Variants in SIRT3 observed in about 807,000 individuals in gnomAD.
SIRT3 encodes the protein NAD-dependent protein deacetylase sirtuin-3, mitochondrial.
SIRT3 carries 26 observed loss-of-function variants against 33.5 expected under a neutral mutation model. The ratio of observed to expected loss-of-function variants is 0.78; its 90% CI spans 0.57 to 1.08. The LOEUF is 1.08. Ranked by LOEUF, SIRT3 falls within the 50% of genes least tolerant of loss-of-function variation. The probability of loss-of-function intolerance (pLI) is 0.00; values close to 1 mark genes in which losing one functional copy is unlikely to be tolerated. For missense variants in SIRT3, 585 were observed against 530.1 expected, an observed-to-expected ratio of 1.10 and a Z score of -1.02; for synonymous variants, 237 against 222.1, an observed-to-expected ratio of 1.07 and a Z score of -0.60.
In SIRT3 at chr11:219,044, G is replaced by A; in HGVS notation, c.970-3C>T. The A allele has an allele frequency of 6.2e-7, 1 of 1,609,760 alleles. No individual in the cohort carries two copies. ...GTCAAGCTGGCAAAAGGCTCCACCT[G>A]AAAAATGGGCCAAACGTGAGGGGCA... On this transcript the variant is annotated splice_polypyrimidine_tract_variant and splice_region_variant and intron_variant, in intron 5 of 6. Transcript: ENST00000382743.
rs148513030 is a variant in SIRT3, at chr11:234,937, G to A, written c.281+1111C>T. Among the ~76,000 whole-genome samples, 292 of 151,462 alleles carry A rather than the reference G, an allele frequency of 1.9e-3. 1 individual carries two copies. The highest frequency in any genetic ancestry group is 6.4e-3 in the African/African-American group (265 of 41,254). ...CTTTCGCCCGGGCTGGAGTGCAATG[G>A]TGCCATCTCGGCTCACTGCAACCTC... On this transcript the variant is annotated intron_variant, in intron 1 of 6. Coordinates refer to ENST00000382743, the MANE Select transcript of SIRT3 (RefSeq NM_012239.6).
At chr11:225,344 G>A (rs982187408) in intron 4 of SIRT3, among the ~76,000 whole-genome samples, 22 of 152,186 alleles carry the variant, frequency 1.4e-4, no homozygotes, top group African/African-American at 4.6e-4. Context: ...CCTGGGAGGC[G>A]GAGGTTGCTG....
intron 1 of SIRT3, among the ~76,000 whole-genome samples, chr11:235,571 A>C (rs749855658): frequency 2.6e-5 from 4 of 152,216 alleles, no homozygotes; most frequent in Non-Finnish European, 5.9e-5. Context: ...ATTTACTTAA[A>C]TATTCATCCA....
chr11:236,372 G>A (rs985353679), upstream of SIRT3: 5 of 1,108,228 alleles, frequency 4.5e-6, no homozygotes, highest in Non-Finnish European at 5.4e-6. Flanking sequence ...CCCCGCCCCC[G>A]GCGCCCCGGC....
At chr11:231,109 A>G (rs1857922474) in intron 3 of SIRT3, among the ~76,000 whole-genome samples, 1 of 140,348 alleles carries the variant, frequency 7.1e-6, no homozygotes, top group Non-Finnish European at 1.5e-5. Context: ...TGGGTAAGAG[A>G]GCGAGATTCT....
intron 5 of SIRT3, among the ~76,000 whole-genome samples, chr11:222,062 A>T (rs929021816): frequency 6.6e-6 from 1 of 152,208 alleles, no homozygotes; most frequent in Non-Finnish European, 1.5e-5. Flanking sequence ...TTCAACAATA[A>T]AGATGGCTGG....
intron 3 of SIRT3, among the ~76,000 whole-genome samples, chr11:230,982 G>A (rs1732274285): frequency 1.3e-5 from 2 of 152,166 alleles, no homozygotes; most frequent in South Asian, 4.1e-4. Context: ...AAATTAGCCA[G>A]ATGTGGTGGC....
intron 5 of SIRT3, among the ~76,000 whole-genome samples, chr11:222,008 A>C (rs1164516982): frequency 6.6e-6 from 1 of 152,236 alleles, no homozygotes; most frequent in African/African-American, 2.4e-5. Context: ...TCAAAGACAC[A>C]CATGATACAC....
At position 218,830 on chromosome 11, in the gene SIRT3, A is replaced by G; in HGVS notation, c.1179+2T>C. 3.7e-6 allele frequency: 6 copies of G among 1,614,062 alleles called. No homozygotes were observed. The highest frequency in any genetic ancestry group is 5.1e-6 in the Non-Finnish European group (6 of 1,180,016). On this transcript the variant is annotated splice_donor_variant, in intron 6 of 6. Coordinates refer to ENST00000382743, the MANE Select transcript of SIRT3 (RefSeq NM_012239.6). LOFTEE classifies it high-confidence loss of function. ...TGGATGGTCCTCCTCAGCAGTCTGT[A>G]CCTTCCCAGTTTCCCGCTGCACAAG...
rs1352587034 is a variant in SIRT3, at chr11:236,300, G to A, written c.29C>T (p.Ala10Val). The A allele has an allele frequency of 3.9e-6, 6 of 1,523,388 alleles. No homozygotes were observed. The highest frequency in any genetic ancestry group is 5.3e-6 in the Non-Finnish European group (6 of 1,142,504). The allele number at this position is 1,523,388 out of a possible 1,614,324, so 94.4% of individuals were successfully genotyped here. A position where few individuals can be genotyped will look rare whatever the true frequency, so the allele number is the denominator to read the frequency against. The change falls in exon 1 of 7, where the codon GCA (alanine) becomes GTA (valine). Residue 10 changes from alanine (A) to valine (V), a missense_variant. By Grantham distance (64) the Ala-to-Val change is moderately conservative (BLOSUM62 0). Transcript: ENST00000382743. MAFWGWRAA[A>V]ALRLWGRVVE... is the part of the protein sequence containing the mutation. ...TACCCGGCCCCACAGCCGGAGGGCT[G>A]CCGCGGCGCGCCAACCCCAGAACGC...
chr11:227,804 G>A (rs746229073), intron 4 of SIRT3, among the ~76,000 whole-genome samples: 2 of 152,000 alleles, frequency 1.3e-5, no homozygotes, highest in Non-Finnish European at 2.9e-5. Flanking sequence ...TGTATTTTTA[G>A]TAGAGATGGG....
At chr11:227,603 T>C (rs2133889259) in intron 4 of SIRT3, among the ~76,000 whole-genome samples, 1 of 152,056 alleles carries the variant, frequency 6.6e-6, no homozygotes, top group Non-Finnish European at 1.5e-5. Flanking sequence ...GTTGCCCAAA[T>C]TATCTATTTT....
In SIRT3 at chr11:233,197, C is replaced by T. The variant is rs1239466094; in HGVS notation, c.492G>A (p.Leu164=). Residue 164 remains leucine, a synonymous_variant, in exon 3 of 7, where the codon CTG becomes CTA. Coordinates refer to ENST00000382743, the MANE Select transcript of SIRT3 (RefSeq NM_012239.6). ...IPDFRSPGSG[L]YSNLQQYDLP... ...GATCGTACTGCTGGAGGTTGCTGTA[C>T]AGGCCACTCCCCGGCGATCTGCAGG... is the stretch of plus-strand genomic sequence containing the variant. The T allele has an allele frequency of 4.3e-6, 7 of 1,613,668 alleles. No individual in the cohort carries two copies. In the South Asian group the frequency reaches 5.5e-5, roughly 13 times the overall value.
chr11:230,456 A>G lies in SIRT3; in HGVS notation c.803T>C (p.Ile268Thr). ...VCQRPFPGEDIRADVMADRVP... is the reference protein window; with the variant it reads ...VCQRPFPGEDTRADVMADRVP... ...ACCAACAGCAGGATAACTCACCCGA[A>G]TGTCCTCCCCTGGGAAGGGTCTTTG... Residue 268 changes from isoleucine to threonine, a missense_variant, in exon 4 of 7, where the codon ATT (isoleucine) becomes ACT (threonine). Coordinates refer to ENST00000382743, the MANE Select transcript of SIRT3 (RefSeq NM_012239.6). The G allele has an allele frequency of 6.9e-7, 1 of 1,454,312 alleles. No individual in the cohort carries two copies. The highest frequency in any genetic ancestry group is 9.1e-7 in the Non-Finnish European group (1 of 1,096,354). The allele number at this position is 1,454,312 out of a possible 1,614,324, so 90.1% of individuals were successfully genotyped here.
At chr11:227,883 A>G (rs1857390761) in intron 4 of SIRT3, among the ~76,000 whole-genome samples, 1 of 152,166 alleles carries the variant, frequency 6.6e-6, no homozygotes, top group East Asian at 1.9e-4. Context: ...AGGCCTCCCA[A>G]AGTGCTGGAA....
rs201386907 is a variant in SIRT3 at position 232,964 on chromosome 11, C to G, written c.706+19G>C. On this transcript the variant is annotated intron_variant, in intron 3 of 6. Coordinates refer to ENST00000382743, the MANE Select transcript of SIRT3 (RefSeq NM_012239.6). ...CTCCGTGGGAGAAAAAGAATGTGTG[C>G]GACTCACAGAGGGCTCACCTCTCTC... 1 of 1,607,524 alleles carries G rather than the reference C, an allele frequency of 6.2e-7. No homozygotes were observed. The highest frequency in any genetic ancestry group is 2.2e-5 in the East Asian group (1 of 44,856).
chr11:233,611 C>T, intron 1 of SIRT3, 77 bp from the exon 2 acceptor site: 2 of 1,408,122 alleles, frequency 1.4e-6, no homozygotes, highest in Non-Finnish European at 2.0e-6. Flanking sequence ...CATGGCTCTG[C>T]CCTCTGCACC....
rs756315025 is a variant in SIRT3, at chr11:233,009, G to A, written c.680C>T (p.Thr227Met). ...HDKGLLLRLY[T>M]QNIDGLERVS... ...TCTCTCAAGCCCATCGATGTTCTGCGTGTAGAGCCGCAGAAGCAGCCCCTT... is the reference window on the plus strand; with the variant it reads ...TCTCTCAAGCCCATCGATGTTCTGCATGTAGAGCCGCAGAAGCAGCCCCTT... Residue 227 changes from threonine to methionine, a missense_variant, in exon 3 of 7, where the codon ACG becomes ATG. Transcript: ENST00000382743. 5.6e-6 allele frequency: 9 copies of A among 1,614,046 alleles called. No individual in the cohort carries two copies. Among genetic ancestry groups the A allele is most frequent in the African/African-American group, 4.0e-5 (3 of 74,918 alleles).
chr11:230,308 G>T, intron 4 of SIRT3, 144 bp downstream of exon 4: 3 of 416,194 alleles, frequency 7.2e-6, no homozygotes, highest in Non-Finnish European at 1.3e-5. Flanking sequence ...TTACAAGCAT[G>T]TATTGATTTT....
Sources: gnomAD v4.1 joint callset for allele counts (sites outside exome capture counted in the v4.1 genomes callset) on GRCh38, gnomAD v4.1.1 for gene constraint, MANE v1.5 for transcripts, NCBI Gene and HGNC (gene_info 2026-07-23, HGNC 2026-07-21) for gene names.